SOCS2: variants seen among roughly 807,000 people sequenced by gnomAD.
The protein encoded by SOCS2 is suppressor of cytokine signaling 2.
SOCS2 carries 10 observed loss-of-function variants against 18.6 expected under a neutral mutation model. The ratio of observed to expected loss-of-function variants is 0.54; its 90% CI spans 0.33 to 0.91. The LOEUF (loss-of-function observed/expected upper bound fraction) is 0.91. Ranked by LOEUF, SOCS2 falls within the 40% of genes least tolerant of loss-of-function variation. SOCS2 has a pLI of 0.02. For missense variants in SOCS2, 231 were observed against 247.2 expected, an observed-to-expected ratio of 0.93 and a Z score of 0.44; for synonymous variants, 104 against 104.0, an observed-to-expected ratio of 1.00 and a Z score of 0.00.
chr12:93,612,165 C>G, the SOCS2 span, among the ~76,000 whole-genome samples: 1 of 152,138 alleles, frequency 6.6e-6, no homozygotes, highest in African/African-American at 2.4e-5. Flanking sequence ...AAACATGAGA[C>G]CTGCCCATTT....
At chr12:93,578,654 C>G (rs987040660), downstream of SOCS2, among the ~76,000 whole-genome samples, 3 of 149,420 alleles carry the variant, frequency 2.0e-5, no homozygotes, top group African/African-American at 7.4e-5. Flanking sequence ...ACTTTCAGAT[C>G]CAGAGGGGCT....
At chr12:93,591,227 A>G in the SOCS2 span, among the ~76,000 whole-genome samples, 1 of 151,146 alleles carries the variant, frequency 6.6e-6, no homozygotes, top group Non-Finnish European at 1.5e-5. Context: ...ATGGTTAGAA[A>G]GGGAGGTGTT....
chr12:93,581,130 T>G (rs1375044201), downstream of SOCS2, among the ~76,000 whole-genome samples: 1 of 152,078 alleles, frequency 6.6e-6, no homozygotes, highest in African/African-American at 2.4e-5. Context: ...CTCCTGAGAG[T>G]CAATTACTAA....
the SOCS2 span, among the ~76,000 whole-genome samples, chr12:93,588,912 G>A: frequency 3.1e-4 from 47 of 152,152 alleles, no homozygotes; most frequent in African/African-American, 1.1e-3. Context: ...GTGAGCCACC[G>A]CGCCTGGCCT....
intron 1 of SOCS2, among the ~76,000 whole-genome samples, chr12:93,582,159 C>T (rs1357784036): frequency 6.6e-6 from 1 of 152,114 alleles, no homozygotes; most frequent in Non-Finnish European, 1.5e-5. Flanking sequence ...TATCTTGTGT[C>T]TGAGTGTTAA....
chr12:93,619,313 A>G, the SOCS2 span, among the ~76,000 whole-genome samples: 1 of 152,092 alleles, frequency 6.6e-6, no homozygotes, highest in Non-Finnish European at 1.5e-5. Flanking sequence ...AGAGCAAGAG[A>G]GCCTTACACA....
chr12:93,603,690 C>A, the SOCS2 span, among the ~76,000 whole-genome samples: 2 of 152,008 alleles, frequency 1.3e-5, no homozygotes, highest in Non-Finnish European at 2.9e-5. Context: ...TACAGAGAAA[C>A]CCGGTATTTT....
chr12:93,618,465 TGTCCATCCTTGACCA>T, the SOCS2 span, among the ~76,000 whole-genome samples: 1 of 152,178 alleles, frequency 6.6e-6, no homozygotes, highest in Non-Finnish European at 1.5e-5. Context: ...TGGCTCACTG[TGTCCATCCTTGACCA>T]GTCCCCACCT....
chr12:93,615,244 T>C, the SOCS2 span, among the ~76,000 whole-genome samples: 1,598 of 152,348 alleles, frequency 0.01, 14 homozygotes, highest in Middle Eastern at 0.017. Flanking sequence ...AAGGACTTTT[T>C]TTGGTTCATT....
chr12:93,570,666 G>C (rs930709899), upstream of SOCS2: 15 of 152,318 alleles, frequency 9.8e-5, no homozygotes, highest in Admixed American at 3.9e-4. Context: ...GCTGGCCCGG[G>C]TAGGGGGCAG....
At chr12:93,591,186 G>T in the SOCS2 span, among the ~76,000 whole-genome samples, 8 of 151,732 alleles carry the variant, frequency 5.3e-5, no homozygotes, top group African/African-American at 1.5e-4. Context: ...TTAATCACTA[G>T]GCTAATGAAG....
At chr12:93,617,180 G>A in the SOCS2 span, among the ~76,000 whole-genome samples, 210 of 152,316 alleles carry the variant, frequency 1.4e-3, no homozygotes, top group Non-Finnish European at 1.6e-3. Flanking sequence ...TCATTACCAG[G>A]TGCAATAAGC....
chr12:93,602,663 T>C, the SOCS2 span, among the ~76,000 whole-genome samples: 2 of 152,032 alleles, frequency 1.3e-5, no homozygotes, highest in Non-Finnish European at 2.9e-5. Context: ...CAAATTTGGG[T>C]AGTACTCACC....
the SOCS2 span, among the ~76,000 whole-genome samples, chr12:93,589,414 A>G: frequency 6.6e-6 from 1 of 152,216 alleles, no homozygotes; most frequent in Non-Finnish European, 1.5e-5. Flanking sequence ...CAAAATGTGC[A>G]AATAAAAAAA....
At chr12:93,614,034 C>T in the SOCS2 span, among the ~76,000 whole-genome samples, 1 of 152,052 alleles carries the variant, frequency 6.6e-6, no homozygotes, top group Non-Finnish European at 1.5e-5. Context: ...GATTAGGAAT[C>T]CACTTTACTT....
chr12:93,597,543 T>C, the SOCS2 span, among the ~76,000 whole-genome samples: 4 of 152,310 alleles, frequency 2.6e-5, no homozygotes, highest in East Asian at 7.7e-4. Flanking sequence ...CTCAAACTCG[T>C]GACCTCAAGC....
chr12:93,589,120 C>T, the SOCS2 span, among the ~76,000 whole-genome samples: 1 of 152,230 alleles, frequency 6.6e-6, no homozygotes, highest in African/African-American at 2.4e-5. Flanking sequence ...TGCTTCCCTC[C>T]TCTGTGCCTG....
chr12:93,573,644 A>C (rs1273143124), intron 1 of SOCS2: 1 of 158,182 alleles, frequency 6.3e-6, no homozygotes, highest in Non-Finnish European at 1.4e-5. Context: ...CTGAAAAAAG[A>C]AAAAAGAAAA....
At chr12:93,580,918 C>T (rs538197546), downstream of SOCS2, among the ~76,000 whole-genome samples, 10 of 152,316 alleles carry the variant, frequency 6.6e-5, no homozygotes, top group South Asian at 6.2e-4. Flanking sequence ...AGCCCATAAA[C>T]ACATCTAGCC....
Sources: gnomAD v4.1 joint callset for allele counts (sites outside exome capture counted in the v4.1 genomes callset) on GRCh38, gnomAD v4.1.1 for gene constraint, MANE v1.5 for transcripts, NCBI Gene and HGNC (gene_info 2026-07-23, HGNC 2026-07-21) for gene names.